NKIRAS1: variants seen among roughly 807,000 people sequenced by gnomAD.
The protein encoded by NKIRAS1 is NF-kappa-B inhibitor-interacting Ras-like protein 1.
In NKIRAS1, 16 loss-of-function variants were observed where a neutral mutation model predicts 19.8. That is an observed-to-expected ratio of 0.81 (90% confidence interval 0.55 to 1.23). NKIRAS1 has a LOEUF of 1.23. NKIRAS1 is among the 50% of genes most tolerant of loss of function. The probability of loss-of-function intolerance (pLI) is 0.00; values close to 1 mark genes in which losing one functional copy is unlikely to be tolerated. For synonymous variants in NKIRAS1, 88 were observed against 79.0 expected (o/e 1.11, Z -0.61); for missense variants, 184 against 220.0 (o/e 0.84, Z 1.04).
At chr3:23,917,717 C>G, upstream of NKIRAS1, 1 of 885,616 alleles carries the variant, frequency 1.1e-6, no homozygotes, top group Non-Finnish European at 1.7e-6. Flanking sequence ...GCTAGCTGTC[C>G]CCGGCAGTTG....
chr3:23,927,061 A>G lies in NKIRAS1; in HGVS notation c.-139-15611T>C, dbSNP rs1007888922. On this transcript the variant is annotated intron_variant, in intron 1 of 4. Coordinates refer to the NKIRAS1 transcript ENST00000421515. This position sits in a 1 kb window ranked among gnomAD's most constrained non-coding sequence, Gnocchi z 4.0. ...TTCCAGTTCAGCCTTGGGAAGGCTGACTAGACATTTAGCTTCTCCATCGAT... is the reference window on the plus strand; with the variant it reads ...TTCCAGTTCAGCCTTGGGAAGGCTGGCTAGACATTTAGCTTCTCCATCGAT... Among the ~76,000 whole-genome samples the G allele has an allele frequency of 4.6e-5, 7 of 152,228 alleles. No homozygotes were observed. Among genetic ancestry groups the G allele is most frequent in the African/African-American group, 1.7e-4 (7 of 41,450 alleles).
chr3:23,904,190 C>G (rs1456090642), intron 3 of NKIRAS1, among the ~76,000 whole-genome samples: 1 of 152,166 alleles, frequency 6.6e-6, no homozygotes, highest in African/African-American at 2.4e-5. Flanking sequence ...TATGACGCAT[C>G]ACTGAAATTT....
rs749476852 is a variant in NKIRAS1, at chr3:23,893,344, G to A, written c.337-7C>T. The A allele has an allele frequency of 3.1e-6, 5 of 1,611,780 alleles. No homozygotes were observed. The highest frequency in any genetic ancestry group is 4.2e-6 in the Non-Finnish European group (5 of 1,179,082). On this transcript the variant is annotated splice_region_variant and splice_polypyrimidine_tract_variant and intron_variant, in intron 4 of 4. Transcript: ENST00000425478. ...CTAATACCACAATTGCTACCTGAAAGAAAACGGATTGAAAAGATCATACTA... is the reference window on the plus strand; with the variant it reads ...CTAATACCACAATTGCTACCTGAAAAAAAACGGATTGAAAAGATCATACTA...
chr3:23,919,687 A>T (rs184786213), upstream of NKIRAS1: 113 of 1,390,800 alleles, frequency 8.1e-5, 1 homozygote, highest in Admixed American at 1.9e-3. Context: ...TTCTAATAAG[A>T]TAAACTTTTT....
At chr3:23,911,198 A>T (rs1410529431) in intron 2 of NKIRAS1, 131 bp downstream of exon 2, 1 of 278,610 alleles carries the variant, frequency 3.6e-6, no homozygotes, top group Non-Finnish European at 6.9e-6. Flanking sequence ...TCATGCCTGC[A>T]ATCCTACCAC....
upstream of NKIRAS1, chr3:23,921,575 T>G (rs761148373): frequency 0.035 from 19,022 of 538,746 alleles, 183 homozygotes; most frequent in African/African-American, 0.074. Flanking sequence ...ATTGAGTTTT[T>G]TTTTTTTTTT....
At chr3:23,901,616 A>C (rs1702529439) in intron 3 of NKIRAS1, among the ~76,000 whole-genome samples, 1 of 152,178 alleles carries the variant, frequency 6.6e-6, no homozygotes, top group African/African-American at 2.4e-5. Flanking sequence ...CTAGTCTCTA[A>C]GTTTATTAAG....
At position 23,922,992 on chromosome 3, in the gene NKIRAS1, CAG is replaced by C. The variant is rs1474871131; in HGVS notation, c.-139-11544_-139-11543del. 1 of 151,966 alleles carries C rather than the reference CAG, an allele frequency of 6.6e-6. No homozygotes were observed. Among genetic ancestry groups the C allele is most frequent in the African/African-American group, 2.4e-5 (1 of 41,326 alleles). 9.4% of individuals were successfully genotyped at this position (151,966 alleles called of 1,614,324 possible). ...CTAATTTTTGTATTTTTTGTAGAGA[CAG>C]GGTTTCACCATGTTGTTCAGGCTGG... is the stretch of plus-strand genomic sequence containing the variant. On this transcript the variant is annotated intron_variant, in intron 1 of 4. Coordinates refer to the NKIRAS1 transcript ENST00000421515. The surrounding 1 kb of genome is among the most constrained non-coding windows in gnomAD (Gnocchi z 4.2).
rs1326159109 is a variant in NKIRAS1, at chr3:23,928,968, G to A, written c.-140+17355C>T. Among the ~76,000 whole-genome samples, 17 of 149,838 alleles carry A rather than the reference G, an allele frequency of 1.1e-4. No individual in the cohort carries two copies. In the Admixed American group the frequency reaches 1.1e-3, roughly 10 times the overall value. ...ACCGAGATCGTGCCACTGCGCTCCA[G>A]CCTGGGCGACAGAGCGAGACTCCAT... On this transcript the variant is annotated intron_variant, in intron 1 of 4. Transcript: ENST00000421515.
intron 4 of NKIRAS1, among the ~76,000 whole-genome samples, chr3:23,898,424 A>G (rs1702190312): frequency 1.3e-5 from 2 of 151,908 alleles, no homozygotes; most frequent in African/African-American, 4.8e-5. Context: ...CCAATCCCAA[A>G]AGATTACATA....
chr3:23,921,683 T>C (rs573611646), upstream of NKIRAS1: 2 of 670,958 alleles, frequency 3.0e-6, no homozygotes, highest in South Asian at 3.2e-5. Flanking sequence ...TGAGCAATTC[T>C]TCTGCCTCGG....
At position 23,898,719 on chromosome 3, in the gene NKIRAS1, C is replaced by T. The variant is rs564728222; in HGVS notation, c.336+2089G>A. The stretch of plus-strand genomic sequence containing the variant: ...TCGGCCTCCCAAAATGCTGGGATTA[C>T]AGGTGTGAATCACTGCACCTGGCCT... On this transcript the variant is annotated intron_variant, in intron 4 of 4. Coordinates refer to ENST00000425478, the MANE Select transcript of NKIRAS1 (RefSeq NM_020345.4). Among the ~76,000 whole-genome samples, 334 of 152,272 alleles carry T rather than the reference C, an allele frequency of 2.2e-3. 1 individual carries two copies. The highest frequency in any genetic ancestry group is 3.8e-3 in the Non-Finnish European group (257 of 68,014).
chr3:23,941,936 C>T (rs561096686), intron 1 of NKIRAS1, among the ~76,000 whole-genome samples: 2 of 151,986 alleles, frequency 1.3e-5, no homozygotes, highest in African/African-American at 4.8e-5. Flanking sequence ...ATAGTGGTAA[C>T]CTCTTATACA....
At chr3:23,917,850 G>A, upstream of NKIRAS1, 2 of 1,607,498 alleles carry the variant, frequency 1.2e-6, no homozygotes, top group Non-Finnish European at 1.7e-6. Flanking sequence ...GATTTCACAG[G>A]TAAGCCAAGA....
chr3:23,893,401 T>TG (rs767682105), intron 4 of NKIRAS1, 64 bp from the exon 5 acceptor site: 48 of 1,450,564 alleles, frequency 3.3e-5, no homozygotes, highest in Non-Finnish European at 4.2e-5. Flanking sequence ...CTGGGCAAAA[T>TG]GGAGACATAA....
At chr3:23,918,264 CTG>C, upstream of NKIRAS1, 1 of 903,494 alleles carries the variant, frequency 1.1e-6, no homozygotes. Context: ...GTGTGCCTCC[CTG>C]TGTGAGTAGC....
At chr3:23,940,921 TG>T (rs1705483594) in intron 1 of NKIRAS1, among the ~76,000 whole-genome samples, 1 of 152,254 alleles carries the variant, frequency 6.6e-6, no homozygotes, top group South Asian at 2.1e-4. Flanking sequence ...TATGTGATGA[TG>T]TCGCTGCTCT....
chr3:23,914,901 G>A (rs974900741), intron 1 of NKIRAS1, among the ~76,000 whole-genome samples: 2 of 152,170 alleles, frequency 1.3e-5, no homozygotes, highest in Admixed American at 1.3e-4. Context: ...CATAGGCAGC[G>A]TACCTACAGT....
At chr3:23,921,664 T>C, upstream of NKIRAS1, 1 of 650,690 alleles carries the variant, frequency 1.5e-6, no homozygotes, top group South Asian at 1.6e-5. Flanking sequence ...AACCTCTGTC[T>C]CCCGGGTTTG....
Sources: allele counts gnomAD v4.1 joint callset (sites outside exome capture counted in the v4.1 genomes callset), GRCh38; gene constraint gnomAD v4.1.1; non-coding constraint Gnocchi (gnomAD v3.1); transcripts MANE v1.5; gene names NCBI Gene and HGNC (gene_info 2026-07-23, HGNC 2026-07-21).